The following CNTNAP3B variants were observed in gnomAD, a reference collection of about 807,000 sequenced individuals.
CNTNAP3B encodes contactin-associated protein-like 3B.
A neutral mutation model predicts 108.9 loss-of-function variants in CNTNAP3B; 25 were observed. The observed-to-expected ratio is 0.23, with a 90% CI of 0.17 to 0.32. The LOEUF is 0.32. Ranked by LOEUF, CNTNAP3B falls within the 10% of genes least tolerant of loss-of-function variation. CNTNAP3B has a pLI of 1.00. For synonymous variants in CNTNAP3B, 103 were observed against 473.4 expected, an observed-to-expected ratio of 0.22 and a Z score of 10.16; for missense variants, 252 against 1,210.4, an observed-to-expected ratio of 0.21 and a Z score of 11.75.
At chr9:42,098,557 T>G (rs1199347037) in intron 2 of CNTNAP3B, among the ~76,000 whole-genome samples, 1 of 68,518 alleles carries the variant, frequency 1.5e-5, no homozygotes, top group African/African-American at 5.6e-5. Context: ...CACTCCAGCC[T>G]GGGTGACAGA....
At chr9:42,080,043 C>T (rs1168010585) in intron 2 of CNTNAP3B, among the ~76,000 whole-genome samples, 4 of 129,920 alleles carry the variant, frequency 3.1e-5, no homozygotes, top group East Asian at 4.8e-4. Context: ...GTTTTCACTC[C>T]CTCTCATTCC....
intron 12 of CNTNAP3B, among the ~76,000 whole-genome samples, chr9:41,956,520 A>G (rs1192749070): frequency 1.3e-5 from 2 of 152,190 alleles, no homozygotes; most frequent in African/African-American, 4.8e-5. Flanking sequence ...AAATTTACTC[A>G]GTATATCATA....
At chr9:42,056,834 A>AT (rs1827084301) in intron 3 of CNTNAP3B, among the ~76,000 whole-genome samples, 1 of 85,814 alleles carries the variant, frequency 1.2e-5, no homozygotes, top group Non-Finnish European at 2.2e-5. Context: ...TAAGTTTCAA[A>AT]TAATTTCATT....
intron 14 of CNTNAP3B, among the ~76,000 whole-genome samples, chr9:41,934,168 CAT>C (rs1296468116): frequency 1.7e-3 from 167 of 100,284 alleles, no homozygotes; most frequent in African/African-American, 3.8e-3. Flanking sequence ...CACACACACA[CAT>C]ATATATACAC....
At chr9:42,035,339 C>T (rs1826601855) in intron 3 of CNTNAP3B, among the ~76,000 whole-genome samples, 1 of 146,518 alleles carries the variant, frequency 6.8e-6, no homozygotes, top group African/African-American at 2.6e-5. Flanking sequence ...ATTTTCAGAT[C>T]AGATGCCACC....
At chr9:42,087,102 G>T in intron 2 of CNTNAP3B, among the ~76,000 whole-genome samples, 1 of 141,346 alleles carries the variant, frequency 7.1e-6, no homozygotes, top group East Asian at 2.1e-4. Flanking sequence ...TTCTTAATTT[G>T]ATAATCAGAT....
rs1311995788 is a variant in CNTNAP3B, at chr9:41,955,409, A to G, written c.1877-2023T>C. On this transcript the variant is annotated intron_variant, in intron 12 of 23. Transcript: ENST00000377561. ...CTCCTTATAATATCAGTAGTAAAAG[A>G]CCCAAAGAAGGACACAGACCATTGT... Among the ~76,000 whole-genome samples the G allele has an allele frequency of 1.2e-3, 188 of 151,094 alleles. No homozygotes were observed. In the South Asian group the frequency reaches 0.017, roughly 14 times the overall value.
intron 2 of CNTNAP3B, among the ~76,000 whole-genome samples, chr9:42,079,657 G>A (rs1827570476): frequency 7.4e-6 from 1 of 136,028 alleles, no homozygotes; most frequent in Admixed American, 7.3e-5. Context: ...AAGTAGCCGG[G>A]ATTACAGGTA....
chr9:42,104,394 T>A lies in CNTNAP3B; in HGVS notation c.196+235A>T, dbSNP rs1214640054. Among the ~76,000 whole-genome samples the A allele has an allele frequency of 9.9e-4, 96 of 97,264 alleles. 9 individuals carry two copies. The highest frequency in any genetic ancestry group is 1.5e-3 in the Non-Finnish European group (70 of 47,538). 63.8% of individuals were successfully genotyped at this position (97,264 alleles called of 152,430 possible). ...GAGTTCAAACACTGTCAAAGTCAGG[T>A]GTGACTTGTTCAAGGCACACAAAGA... On this transcript the variant is annotated intron_variant, in intron 2 of 23. Transcript: ENST00000377561.
chr9:42,119,442 C>T lies in CNTNAP3B; in HGVS notation c.85+9568G>A, dbSNP rs527806305. Among the ~76,000 whole-genome samples the T allele has an allele frequency of 1.5e-5, 2 of 131,250 alleles. 1 individual carries two copies. Among genetic ancestry groups the T allele is most frequent in the Non-Finnish European group, 3.2e-5 (2 of 62,520 alleles). The allele number at this position is 131,250 out of a possible 152,430, so 86.1% of individuals were successfully genotyped here. ...TAGATTCAATGCCATCCCCATCAAG[C>T]TACCAATGACTTTCTTCACAGAATT... On this transcript the variant is annotated intron_variant, in intron 1 of 23. Coordinates refer to ENST00000377561, the MANE Select transcript of CNTNAP3B (RefSeq NM_001201380.3).
intron 11 of CNTNAP3B, among the ~76,000 whole-genome samples, chr9:41,961,128 G>C (rs1400997317): frequency 1.3e-5 from 2 of 152,308 alleles, no homozygotes; most frequent in Non-Finnish European, 2.9e-5. Context: ...TCAAATGTTG[G>C]ATGTTGTTAG....
intron 13 of CNTNAP3B, among the ~76,000 whole-genome samples, chr9:41,941,836 T>C (rs1220094665): frequency 6.6e-6 from 1 of 151,470 alleles, no homozygotes; most frequent in Non-Finnish European, 1.5e-5. Context: ...GGATACGCCT[T>C]AGAGGGTCAA....
intron 15 of CNTNAP3B, chr9:41,926,902 T>A (rs1295107899): frequency 2.0e-5 from 3 of 152,430 alleles, no homozygotes; most frequent in African/African-American, 4.8e-5. Flanking sequence ...CTAGAAAATG[T>A]TTTTGAGAAG....
chr9:41,937,604 C>T (rs1171627543), intron 14 of CNTNAP3B, among the ~76,000 whole-genome samples: 2 of 152,254 alleles, frequency 1.3e-5, no homozygotes, highest in Non-Finnish European at 2.9e-5. Context: ...AGAGGCATTG[C>T]AATCTACATG....
At chr9:41,933,771 TTG>T (rs1222420838) in intron 14 of CNTNAP3B, among the ~76,000 whole-genome samples, 1 of 152,400 alleles carries the variant, frequency 6.6e-6, no homozygotes, top group African/African-American at 2.4e-5. Flanking sequence ...TTATTTCCTC[TTG>T]TGTCTTTAAC....
chr9:41,938,588 C>T (rs1339898761), intron 13 of CNTNAP3B, among the ~76,000 whole-genome samples, 188 bp from the exon 14 acceptor site: 1 of 152,268 alleles, frequency 6.6e-6, no homozygotes, highest in Non-Finnish European at 1.5e-5. Flanking sequence ...TGTTTTTCCC[C>T]CAATATTTCA....
rs560232463 is a variant in CNTNAP3B at position 41,929,723 on chromosome 9, C to T, written c.2238-279G>A. Among the ~76,000 whole-genome samples the T allele has an allele frequency of 1.6e-3, 211 of 134,306 alleles. 11 individuals are homozygous for T. The highest frequency in any genetic ancestry group is 2.4e-3 in the Non-Finnish European group (151 of 62,790). The allele number at this position is 134,306 out of a possible 152,430, so 88.1% of individuals were successfully genotyped here. A position where few individuals can be genotyped will look rare whatever the true frequency, so the allele number is the denominator to read the frequency against. ...GTGTGAAAGCAGCCACAGACACAGG[C>T]ATGGCTGGGTTGCAATAAAAATTTT... On this transcript the variant is annotated intron_variant, in intron 14 of 23. Transcript: ENST00000377561.
In CNTNAP3B at chr9:41,997,752, C is replaced by T. The variant is rs201186150; in HGVS notation, c.743G>A (p.Gly248Asp). The change falls in exon 6 of 24, where the codon GGC (glycine) becomes GAC (aspartate). Residue 248 changes from glycine to aspartate, a missense_variant and splice_region_variant. Transcript: ENST00000377561. Reference sequence around the variant, plus strand: ...AATAGTAGAAGGCAGCTTAGCATTGCCTTAAAGGAGAAGGAAAAAAACAGT... The same window carrying T: ...AATAGTAGAAGGCAGCTTAGCATTGTCTTAAAGGAGAAGGAAAAAAACAGT... ...KGKLVFFLNS[G>D]NAKLPSTIAP... 3.1e-4 allele frequency: 370 copies of T among 1,185,688 alleles called. 8 individuals are homozygous for T. The Middle Eastern group carries it at 7.0e-3, about 22-fold the overall frequency. 73.4% of individuals were successfully genotyped at this position (1,185,688 alleles called of 1,614,324 possible). A position where few individuals can be genotyped will look rare whatever the true frequency, so the allele number is the denominator to read the frequency against.
chr9:42,087,125 A>G, intron 2 of CNTNAP3B, among the ~76,000 whole-genome samples: 1 of 142,272 alleles, frequency 7.0e-6, no homozygotes, highest in South Asian at 2.3e-4. Flanking sequence ...TTACTACTAC[A>G]TAAAAAAGAA....
Sources: gnomAD v4.1 joint callset for allele counts (sites outside exome capture counted in the v4.1 genomes callset) on GRCh38, gnomAD v4.1.1 for gene constraint, MANE v1.5 for transcripts, NCBI Gene and HGNC (gene_info 2026-07-23, HGNC 2026-07-21) for gene names.